MDN1: variants seen among roughly 807,000 people sequenced by gnomAD.
The protein encoded by MDN1 is midasin.
MDN1 carries 266 observed loss-of-function variants against 669.2 expected under a neutral mutation model. The ratio of observed to expected loss-of-function variants is 0.40; its 90% CI spans 0.36 to 0.44. The LOEUF (loss-of-function observed/expected upper bound fraction) is 0.44, where lower values mean the gene tolerates loss of function less well. Ranked by LOEUF, MDN1 falls within the 20% of genes least tolerant of loss-of-function variation. MDN1 has a pLI of 1.00. For synonymous variants in MDN1, 2,385 were observed against 2,457.1 expected (o/e 0.97, Z 0.87); for missense variants, 5,940 against 6,754.0 (o/e 0.88, Z 4.22).
intron 37 of MDN1, among the ~76,000 whole-genome samples, chr6:89,726,482 G>GAAAAAAAAAA (rs201576721): frequency 3.3e-5 from 3 of 90,944 alleles, no homozygotes; most frequent in Admixed American, 1.2e-4. Context: ...AAGAAAAATA[G>GAAAAAAAAAA]AAAAAAAAAA....
rs1584284552 is a variant in MDN1 at position 89,732,770 on chromosome 6, C to A, written c.4729G>T (p.Asp1577Tyr). 1 of 1,613,772 alleles carries A rather than the reference C, an allele frequency of 6.2e-7. No individual in the cohort carries two copies. Among genetic ancestry groups the A allele is most frequent in the African/African-American group, 1.3e-5 (1 of 74,906 alleles). ...CLGRIDPKGS[D>Y]IPEVMLDFID... is the part of the protein sequence containing the mutation. ...AAATCCAGCATCACTTCAGGTATGTCAGACCCTAAACACAAGAAACAAAAA... is the reference window on the plus strand; with the variant it reads ...AAATCCAGCATCACTTCAGGTATGTAAGACCCTAAACACAAGAAACAAAAA... The change falls in exon 34 of 102, where the codon GAC becomes TAC. Residue 1577 changes from aspartate (D) to tyrosine (Y), a missense_variant. Coordinates refer to ENST00000369393, the MANE Select transcript of MDN1 (RefSeq NM_014611.3).
At chr6:89,733,353 T>C (rs976102975) in intron 33 of MDN1, among the ~76,000 whole-genome samples, 1 of 152,102 alleles carries the variant, frequency 6.6e-6, no homozygotes, top group South Asian at 2.1e-4. Flanking sequence ...AGATAATATT[T>C]GTCTCTAAAT....
In MDN1 at chr6:89,745,571, T is replaced by C. The variant is rs1228980856; in HGVS notation, c.3960A>G (p.Gln1320=). ...VRKQEEIDVI[Q]EVLEKHFKKK... is the part of the protein sequence containing the mutation. ...TCTTGAAATGTTTCTCAAGGACTTC[T>C]TGAATCACATCAATTTCCTCCTGCT... is the stretch of plus-strand genomic sequence containing the variant. The change falls in exon 28 of 102, where the codon CAA becomes CAG. Residue 1320 remains glutamine, a synonymous_variant. Coordinates refer to ENST00000369393, the MANE Select transcript of MDN1 (RefSeq NM_014611.3). The C allele has an allele frequency of 3.1e-6, 5 of 1,614,070 alleles. No individual in the cohort carries two copies. Among genetic ancestry groups the C allele is most frequent in the Non-Finnish European group, 4.2e-6 (5 of 1,180,028 alleles).
intron 37 of MDN1, 90 bp from the exon 38 acceptor site, chr6:89,725,486 A>C (rs2128314079): frequency 9.1e-7 from 1 of 1,096,328 alleles, no homozygotes; most frequent in South Asian, 1.4e-5. Flanking sequence ...AAATAAAGCT[A>C]GAGTTATCTT....
At position 89,702,008 on chromosome 6, in the gene MDN1, T is replaced by C; in HGVS notation, c.8202A>G (p.Val2734=). 6.2e-7 allele frequency: 1 copy of C among 1,613,870 alleles called. No individual in the cohort carries two copies. The highest frequency in any genetic ancestry group is 1.1e-5 in the South Asian group (1 of 91,074). The change falls in exon 54 of 102, where the codon GTA becomes GTG. Residue 2734 remains valine, a synonymous_variant. Transcript: ENST00000369393. ...RDRFWTVADT[V]KVDAPGLALL... ...GGGCCAGACCTGGGGCATCTACTTT[T>C]ACTGTGTCGGCCACAGTCCAGAACC...
chr6:89,645,667 C>G (rs1808447237), intron 100 of MDN1, among the ~76,000 whole-genome samples: 1 of 152,130 alleles, frequency 6.6e-6, no homozygotes, highest in African/African-American at 2.4e-5. Context: ...TGAAATTTGA[C>G]TTGTTTAAAC....
chr6:89,779,088 T>C (rs564808009), intron 11 of MDN1, among the ~76,000 whole-genome samples: 6 of 152,096 alleles, frequency 3.9e-5, no homozygotes, highest in East Asian at 1.9e-4. Flanking sequence ...TAATACCTAA[T>C]ACCTGATATT....
At chr6:89,728,212 C>T (rs538116224) in intron 36 of MDN1, among the ~76,000 whole-genome samples, 1 of 151,864 alleles carries the variant, frequency 6.6e-6, no homozygotes, top group Non-Finnish European at 1.5e-5. Flanking sequence ...ATTGGCTGTA[C>T]TTGGAATTTA....
Position 89,713,031 on chromosome 6 carries a change from A to C in MDN1, c.7218+117T>G, listed in dbSNP as rs1814063344. ...CTGGATACCAGATCTCTATTAGAGCAAACTGCAGTGGTCAACTCTCTTAGG... is the reference window on the plus strand; with the variant it reads ...CTGGATACCAGATCTCTATTAGAGCCAACTGCAGTGGTCAACTCTCTTAGG... On this transcript the variant is annotated intron_variant, in intron 47 of 101. Coordinates refer to ENST00000369393, the MANE Select transcript of MDN1 (RefSeq NM_014611.3). The C allele has an allele frequency of 6.2e-6, 7 of 1,131,192 alleles. No individual in the cohort carries two copies. The South Asian group carries it at 9.7e-5, about 16-fold the overall frequency. The allele number at this position is 1,131,192 out of a possible 1,614,324, so 70.1% of individuals were successfully genotyped here. A position where few individuals can be genotyped will look rare whatever the true frequency, so the allele number is the denominator to read the frequency against.
chr6:89,790,047 C>T, intron 6 of MDN1, 112 bp downstream of exon 6: 4 of 1,583,528 alleles, frequency 2.5e-6, no homozygotes, highest in Non-Finnish European at 3.4e-6. Flanking sequence ...TTGGCCCCAA[C>T]AGTTATAAGC....
At position 89,713,287 on chromosome 6, in the gene MDN1, G is replaced by A. The variant is rs1203985453; in HGVS notation, c.7079C>T (p.Thr2360Ile). 1 of 1,607,116 alleles carries A rather than the reference G, an allele frequency of 6.2e-7. No homozygotes were observed. The highest frequency in any genetic ancestry group is 2.2e-5 in the East Asian group (1 of 44,856). The change falls in exon 47 of 102, where the codon ACA (threonine) becomes ATA (isoleucine). Residue 2360 changes from threonine (T) to isoleucine (I), a missense_variant. Physicochemically the swap from Thr to Ile is moderately conservative, Grantham distance 89. Around this residue, in one of 5 missense-constraint regions of MDN1, gnomAD observed 2,292 missense variants for 2,638.3 expected, o/e 0.87. Coordinates refer to ENST00000369393, the MANE Select transcript of MDN1 (RefSeq NM_014611.3). ...ETRSTVVGSPTSSVSTLIQTA... is the reference protein window; with the variant it reads ...ETRSTVVGSPISSVSTLIQTA... Reference sequence around the variant, plus strand: ...CTGGATTAGAGTTGATACAGAAGATGTTGGAGAACCTATTAAAAAAAAATT... The same window carrying A: ...CTGGATTAGAGTTGATACAGAAGATATTGGAGAACCTATTAAAAAAAAATT...
At chr6:89,799,392 T>C (rs151126038) in intron 2 of MDN1, among the ~76,000 whole-genome samples, 23 of 152,344 alleles carry the variant, frequency 1.5e-4, no homozygotes, top group African/African-American at 4.1e-4. Flanking sequence ...CACTTAGAAA[T>C]AGTAAAGTTG....
Position 89,645,017 on chromosome 6 carries a change from G to C in MDN1, c.16600C>G (p.Arg5534Gly), listed in dbSNP as rs374153704. ...IFVVLDNPSS[R>G]DSILDIKVPI... ...GGTGGCTTTTAGTAGTCACTCACCC[G>C]TGAACTGGGATTGTCCAATACAACA... The change falls in exon 101 of 102, where the codon CGG becomes GGG. Residue 5534 changes from arginine to glycine, a missense_variant and splice_region_variant. Physicochemically the swap from Arg to Gly is moderately radical, Grantham distance 125. This residue lies in a region of MDN1 where 2,280 missense variants were observed against 2,576.3 expected (regional missense o/e 0.88). Coordinates refer to ENST00000369393, the MANE Select transcript of MDN1 (RefSeq NM_014611.3). The C allele has an allele frequency of 6.3e-7, 1 of 1,586,028 alleles. No homozygotes were observed. Among genetic ancestry groups the C allele is most frequent in the African/African-American group, 1.3e-5 (1 of 74,494 alleles).
intron 26 of MDN1, among the ~76,000 whole-genome samples, 197 bp downstream of exon 26, chr6:89,749,026 T>C (rs994890752): frequency 1.3e-4 from 20 of 152,074 alleles, no homozygotes; most frequent in Admixed American, 1.0e-3. Context: ...ATTGTGCCAC[T>C]ACACTCCAGC....
intron 29 of MDN1, among the ~76,000 whole-genome samples, chr6:89,744,972 CT>C (rs1201524054): frequency 0.017 from 2,346 of 136,030 alleles, 27 homozygotes; most frequent in Non-Finnish European, 0.023. Flanking sequence ...ATCTTAGTTT[CT>C]TTTTTTTTTT....
At chr6:89,781,705 G>GAAATTTGGTCAGCCAAAAA in intron 9 of MDN1, 113 bp from the exon 10 acceptor site, 2 of 865,814 alleles carry the variant, frequency 2.3e-6, no homozygotes, top group South Asian at 3.7e-5. Flanking sequence ...TATGAAATTT[G>GAAATTTGGTCAGCCAAAAA]TTCACTGGGG....
Position 89,700,839 on chromosome 6 carries a change from C to A in MDN1, c.8445G>T (p.Glu2815Asp). ...TAAGGACCTTCAGTTGTGAAAAACA[C>A]TCCACCACCAGCTTGTCCTGAAACA... ...PFPFKDKLVV[E>D]CFSQLKVLNK... The change falls in exon 56 of 102, where the codon GAG (glutamate) becomes GAT (aspartate). Residue 2815 changes from glutamate to aspartate, a missense_variant. Glu to Asp is a conservative substitution (Grantham distance 45). Transcript: ENST00000369393. 1 of 1,614,100 alleles carries A rather than the reference C, an allele frequency of 6.2e-7. No individual in the cohort carries two copies. Among genetic ancestry groups the A allele is most frequent in the Non-Finnish European group, 8.5e-7 (1 of 1,179,992 alleles).
intron 53 of MDN1, among the ~76,000 whole-genome samples, chr6:89,703,477 AAT>A (rs1346212319): frequency 1.3e-5 from 2 of 152,156 alleles, no homozygotes; most frequent in African/African-American, 4.8e-5. Flanking sequence ...CAAATCAGGT[AAT>A]ATGAGTCTCC....
intron 87 of MDN1, 79 bp downstream of exon 87, chr6:89,662,008 T>G: frequency 6.3e-5 from 95 of 1,499,524 alleles, no homozygotes; most frequent in Non-Finnish European, 7.7e-5. Flanking sequence ...AAAAATATCT[T>G]GAGACACCTT....
Sources: gnomAD v4.1 joint callset for allele counts (sites outside exome capture counted in the v4.1 genomes callset) on GRCh38, gnomAD v4.1.1 for gene constraint, gnomAD v4.1.1 regional missense constraint, MANE v1.5 for transcripts, NCBI Gene and HGNC (gene_info 2026-07-23, HGNC 2026-07-21) for gene names.